TTC29: variants seen among roughly 807,000 people sequenced by gnomAD.
TTC29 encodes the protein tetratricopeptide repeat domain 29, also known as tetratricopeptide repeat protein 29.
TTC29 carries 49 observed loss-of-function variants against 58.1 expected under a neutral mutation model. The ratio of observed to expected loss-of-function variants is 0.84; its 90% CI spans 0.67 to 1.07. TTC29 has a LOEUF of 1.07. TTC29 is among the 50% of genes least tolerant of loss of function. TTC29 has a pLI of 0.00. For synonymous variants in TTC29, 209 were observed against 196.8 expected, an observed-to-expected ratio of 1.06 and a Z score of -0.52; for missense variants, 582 against 555.6, an observed-to-expected ratio of 1.05 and a Z score of -0.48.
intron 6 of TTC29, among the ~76,000 whole-genome samples, chr4:146,885,829 CAT>C (rs1243298312): frequency 2.6e-5 from 4 of 152,096 alleles, no homozygotes; most frequent in Admixed American, 6.6e-5. Flanking sequence ...CAGCAATACA[CAT>C]GTGTTACTTT....
chr4:146,756,314 CTTGTT>C (rs1274315957), intron 11 of TTC29, among the ~76,000 whole-genome samples: 1 of 151,132 alleles, frequency 6.6e-6, no homozygotes, highest in Non-Finnish European at 1.5e-5. Context: ...CAAATGTCTA[CTTGTT>C]TTATTATGCT....
At chr4:146,935,776 G>C (rs1735762819) in intron 4 of TTC29, among the ~76,000 whole-genome samples, 1 of 152,162 alleles carries the variant, frequency 6.6e-6, no homozygotes, top group South Asian at 2.1e-4. Context: ...TAGATATAAA[G>C]TGAGTACTTA....
chr4:146,724,443 C>T (rs1456653406), intron 11 of TTC29, among the ~76,000 whole-genome samples: 1 of 152,108 alleles, frequency 6.6e-6, no homozygotes, highest in African/African-American at 2.4e-5. Context: ...TTATTTGCTC[C>T]TTTTACAAGG....
At chr4:146,857,947 C>T (rs1022074) in intron 8 of TTC29, among the ~76,000 whole-genome samples, 48,192 of 151,912 alleles carry the variant, frequency 0.32, 8,240 homozygotes, top group African/African-American at 0.44. Flanking sequence ...TTAGGTACTA[C>T]GTAATGTACA....
chr4:146,767,695 GC>G (rs1747431229), intron 11 of TTC29, among the ~76,000 whole-genome samples: 1 of 152,016 alleles, frequency 6.6e-6, no homozygotes, highest in African/African-American at 2.4e-5. Context: ...AAGGATACAT[GC>G]ATAATTTGCG....
intron 11 of TTC29, among the ~76,000 whole-genome samples, chr4:146,723,164 C>G (rs7659711): frequency 6.6e-6 from 1 of 152,140 alleles, no homozygotes; most frequent in East Asian, 1.9e-4. Context: ...AGGAGAATCA[C>G]TTGAACTGGG....
In TTC29 at chr4:146,939,827, A is replaced by G. The variant is rs1015201244; in HGVS notation, c.69T>C (p.Pro23=). Residue 23 remains proline, a synonymous_variant, in exon 3 of 13, where the codon CCT becomes CCC. Coordinates refer to ENST00000325106, the MANE Select transcript of TTC29 (RefSeq NM_031956.4). ...ACCTTGGAATTTTTCTGGAGGAGCAAGGCAGCTTCTGTCTGGCTAAGGCTG... is the reference window on the plus strand; with the variant it reads ...ACCTTGGAATTTTTCTGGAGGAGCAGGGCAGCTTCTGTCTGGCTAAGGCTG... The part of the protein sequence containing the change: ...KLTALARQKL[P]CSSRKIPRSQ... 3 of 1,612,960 alleles carry G rather than the reference A, an allele frequency of 1.9e-6. No individual in the cohort carries two copies. The African/African-American group carries it at 4.0e-5, about 22-fold the overall frequency.
At chr4:146,906,303 A>G (rs536661536) in intron 5 of TTC29, among the ~76,000 whole-genome samples, 1 of 152,340 alleles carries the variant, frequency 6.6e-6, no homozygotes, top group East Asian at 1.9e-4. Context: ...ACTCTAGGTT[A>G]CTGCTCTGTA....
intron 4 of TTC29, among the ~76,000 whole-genome samples, chr4:146,915,799 TG>T (rs1734184293): frequency 6.6e-6 from 1 of 151,894 alleles, no homozygotes; most frequent in Non-Finnish European, 1.5e-5. Flanking sequence ...AACTGAATTA[TG>T]GAATCAAGAT....
chr4:146,811,133 TTTG>T (rs893650951), intron 10 of TTC29, among the ~76,000 whole-genome samples: 5 of 152,002 alleles, frequency 3.3e-5, no homozygotes, highest in Non-Finnish European at 5.9e-5. Flanking sequence ...AATTCAGGGT[TTTG>T]TTGTTGTTGT....
intron 8 of TTC29, among the ~76,000 whole-genome samples, chr4:146,835,521 C>T (rs1728450725): frequency 6.6e-6 from 1 of 151,946 alleles, no homozygotes; most frequent in Admixed American, 6.6e-5. Flanking sequence ...TATTTTCTGC[C>T]AAAATAGTTC....
At chr4:146,787,982 G>C (rs1422044030) in intron 11 of TTC29, among the ~76,000 whole-genome samples, 1 of 152,032 alleles carries the variant, frequency 6.6e-6, no homozygotes, top group Non-Finnish European at 1.5e-5. Context: ...AGCTGCCTGG[G>C]TACAGCATGC....
At chr4:146,878,414 C>G (rs1260209492) in intron 6 of TTC29, among the ~76,000 whole-genome samples, 1 of 152,108 alleles carries the variant, frequency 6.6e-6, no homozygotes, top group Non-Finnish European at 1.5e-5. Context: ...CTTTTCTCTC[C>G]CCTACACATT....
intron 6 of TTC29, among the ~76,000 whole-genome samples, chr4:146,891,179 G>A (rs1409654912): frequency 3.3e-5 from 5 of 152,126 alleles, no homozygotes; most frequent in Admixed American, 6.6e-5. Context: ...GATGCCTAGA[G>A]GTTTGTCCTG....
At chr4:146,766,331 G>T (rs1283819962) in intron 11 of TTC29, among the ~76,000 whole-genome samples, 1 of 151,974 alleles carries the variant, frequency 6.6e-6, no homozygotes, top group African/African-American at 2.4e-5. Flanking sequence ...AAGTACCACA[G>T]AACAAATTCT....
At chr4:146,862,287 T>C (rs1327728970) in intron 8 of TTC29, among the ~76,000 whole-genome samples, 2 of 151,040 alleles carry the variant, frequency 1.3e-5, no homozygotes, top group Non-Finnish European at 3.0e-5. Flanking sequence ...ACACAAAATA[T>C]ATTCACTAAA....
chr4:146,838,660 C>T (rs767006560), intron 8 of TTC29, among the ~76,000 whole-genome samples: 7 of 151,926 alleles, frequency 4.6e-5, no homozygotes, highest in African/African-American at 7.2e-5. Context: ...TTGAACAACA[C>T]AGGTCTGAAC....
At chr4:146,792,695 A>G (rs564636237) in intron 11 of TTC29, among the ~76,000 whole-genome samples, 1 of 152,320 alleles carries the variant, frequency 6.6e-6, no homozygotes, top group South Asian at 2.1e-4. Flanking sequence ...ATTATTTAAT[A>G]TTTAAGAAAT....
At chr4:146,871,822 A>G (rs1285216711) in intron 7 of TTC29, among the ~76,000 whole-genome samples, 11 of 152,048 alleles carry the variant, frequency 7.2e-5, no homozygotes, top group Non-Finnish European at 1.5e-4. Context: ...AGATGGCAAT[A>G]TTCCCTAAAT....
Sources: gnomAD v4.1 joint callset for allele counts (sites outside exome capture counted in the v4.1 genomes callset) on GRCh38, gnomAD v4.1.1 for gene constraint, MANE v1.5 for transcripts, NCBI Gene and HGNC (gene_info 2026-07-23, HGNC 2026-07-21) for gene names.